PROSER1: variants seen among roughly 807,000 people sequenced by gnomAD.
PROSER1 encodes the protein proline and serine-rich protein 1.
In PROSER1, 36 loss-of-function variants were observed where a neutral mutation model predicts 71.8. The ratio of observed to expected loss-of-function variants is 0.50; its 90% confidence interval spans 0.38 to 0.66. The LOEUF (loss-of-function observed/expected upper bound fraction) is 0.66, where lower values mean the gene tolerates loss of function less well. Ranked by LOEUF, PROSER1 falls within the 30% of genes least tolerant of loss-of-function variation. PROSER1 has a pLI of 0.00. For missense variants in PROSER1, 1,107 were observed against 1,135.0 expected (o/e 0.98, Z 0.35); for synonymous variants, 490 against 452.4 (o/e 1.08, Z -1.06).
intron 9 of PROSER1, among the ~76,000 whole-genome samples, chr13:39,019,917 A>C (rs1005365026): frequency 2.0e-5 from 3 of 152,050 alleles, no homozygotes; most frequent in Admixed American, 2.0e-4. Context: ...AGGGGAAAAA[A>C]GTTTAAAATA....
rs758633499 is a variant in PROSER1, at chr13:39,011,331, T to C, written c.*34A>G. On this transcript the variant is annotated 3_prime_UTR_variant, in exon 13 of 13. Coordinates refer to ENST00000352251, the MANE Select transcript of PROSER1 (RefSeq NM_025138.5). Reference sequence around the variant, plus strand: ...CATTGCAGTTCTCAGGCAATTCTGATGTTGCTCTGAAGGAGAATAAAAGTT... The same window carrying C: ...CATTGCAGTTCTCAGGCAATTCTGACGTTGCTCTGAAGGAGAATAAAAGTT... 12 of 1,608,294 alleles carry C rather than the reference T, an allele frequency of 7.5e-6. No individual in the cohort carries two copies. Among genetic ancestry groups the C allele is most frequent in the South Asian group, 6.6e-5 (6 of 90,748 alleles).
chr13:39,021,861 G>A (rs1870307002), intron 9 of PROSER1, among the ~76,000 whole-genome samples: 1 of 152,050 alleles, frequency 6.6e-6, no homozygotes, highest in African/African-American at 2.4e-5. Flanking sequence ...TCATTCCAAC[G>A]CATCTCTTTG....
rs1186575859 is a variant in PROSER1 at position 39,037,194 on chromosome 13, T to C, written c.45+4A>G. 29 of 1,591,292 alleles carry C rather than the reference T, an allele frequency of 1.8e-5. No homozygotes were observed. Among genetic ancestry groups the C allele is most frequent in the Non-Finnish European group, 2.3e-5 (27 of 1,159,332 alleles). On this transcript the variant is annotated splice_donor_region_variant and intron_variant, in intron 1 of 12. Coordinates refer to ENST00000352251, the MANE Select transcript of PROSER1 (RefSeq NM_025138.5). ...AAAATAATTCATGGAATCGGTCTAA[T>C]TACCTTTCTAATTTCATCCAGCACC...
At chr13:39,025,080 A>C (rs1870482544) in intron 6 of PROSER1, among the ~76,000 whole-genome samples, 1 of 152,142 alleles carries the variant, frequency 6.6e-6, no homozygotes, top group African/African-American at 2.4e-5. Context: ...CTTCACAAAT[A>C]GGAGCAATCA....
rs775119956 is a variant in PROSER1, at chr13:39,013,761, C to T, written c.1491G>A (p.Leu497=). The T allele has an allele frequency of 1.2e-6, 2 of 1,614,130 alleles. No individual in the cohort carries two copies. Among genetic ancestry groups the T allele is most frequent in the South Asian group, 2.2e-5 (2 of 91,076 alleles). The change falls in exon 11 of 13, where the codon CTG becomes CTA. Residue 497 remains leucine, a synonymous_variant. Transcript: ENST00000352251. The stretch of plus-strand genomic sequence containing the variant: ...GAAGAGTAAGAGAAGATAGTGAAGC[C>T]AGCCCACTTGTGACAGCAGAGGATA... ...SALSSAVTSG[L]ASLSSLTLQN...
At position 39,026,271 on chromosome 13, in the gene PROSER1, G is replaced by T; in HGVS notation, c.480+6C>A. 1 of 1,565,308 alleles carries T rather than the reference G, an allele frequency of 6.4e-7. No individual in the cohort carries two copies. Among genetic ancestry groups the T allele is most frequent in the Non-Finnish European group, 8.8e-7 (1 of 1,136,920 alleles). ...GTTTCATATACAGCTACAGAAGTATGCTTACTGGGAAAATTCCATTTATGC... is the reference window on the plus strand; with the variant it reads ...GTTTCATATACAGCTACAGAAGTATTCTTACTGGGAAAATTCCATTTATGC... On this transcript the variant is annotated splice_donor_region_variant and intron_variant, in intron 6 of 12. Coordinates refer to ENST00000352251, the MANE Select transcript of PROSER1 (RefSeq NM_025138.5).
At position 39,010,003 on chromosome 13, in the gene PROSER1, T is replaced by A. The variant is rs948529878; in HGVS notation, c.*1362A>T. 4.6e-5 allele frequency: 7 copies of A among 152,596 alleles called. No homozygotes were observed. The highest frequency in any genetic ancestry group is 2.0e-4 in the Admixed American group (3 of 15,270). 9.5% of individuals were successfully genotyped at this position (152,596 alleles called of 1,614,324 possible). The stretch of plus-strand genomic sequence containing the variant: ...GTCTGTTCATATGTTGGTTATGACT[T>A]TTACATTAAAATATCATTTAAACGA... On this transcript the variant is annotated 3_prime_UTR_variant, in exon 13 of 13. Transcript: ENST00000352251.
chr13:39,015,791 G>A (rs1050160861), intron 10 of PROSER1, among the ~76,000 whole-genome samples: 2 of 152,114 alleles, frequency 1.3e-5, no homozygotes, highest in African/African-American at 4.8e-5. Flanking sequence ...TGTAAGCAGT[G>A]ATTTGGTTTC....
In PROSER1 at chr13:39,012,182, C is replaced by A; in HGVS notation, c.2613G>T (p.Leu871Phe). 1.2e-6 allele frequency: 2 copies of A among 1,614,058 alleles called. No individual in the cohort carries two copies. Among genetic ancestry groups the A allele is most frequent in the African/African-American group, 2.7e-5 (2 of 75,058 alleles). ...AAGSSVFPGL[L>F]SLPGIPGFPQ... ...GAAACCCAGGGATACCCGGGAGGGACAAAAGGCCTGGAAAAACAGAACTGC... is the reference window on the plus strand; with the variant it reads ...GAAACCCAGGGATACCCGGGAGGGAAAAAAGGCCTGGAAAAACAGAACTGC... Residue 871 changes from leucine (L) to phenylalanine (F), a missense_variant, in exon 12 of 13, where the codon TTG becomes TTT. By Grantham distance (22) the Leu-to-Phe change is conservative. Transcript: ENST00000352251.
Position 39,024,466 on chromosome 13 carries a change from A to C in PROSER1, c.564+7T>G. ...TTTGGGCTTGTTTCATCATTTTCTA[A>C]ACATACTGGTTTGGATGGCCCAAGA... On this transcript the variant is annotated splice_region_variant and intron_variant, in intron 7 of 12. Transcript: ENST00000352251. 1 of 1,599,168 alleles carries C rather than the reference A, an allele frequency of 6.3e-7. No individual in the cohort carries two copies.
intron 7 of PROSER1, 146 bp from the exon 8 acceptor site, chr13:39,023,276 G>A: frequency 1.7e-6 from 1 of 575,972 alleles, no homozygotes; most frequent in African/African-American, 1.9e-5. Flanking sequence ...ACAAATGAGG[G>A]AAATTTCTTT....
chr13:39,023,398 T>C (rs1870394434), intron 7 of PROSER1: 1 of 298,138 alleles, frequency 3.4e-6, no homozygotes, highest in Non-Finnish European at 6.3e-6. Flanking sequence ...TAGATCTCAT[T>C]GTAAACAGCA....
intron 5 of PROSER1, among the ~76,000 whole-genome samples, chr13:39,027,923 A>T (rs1471301690): frequency 6.6e-6 from 1 of 152,158 alleles, no homozygotes; most frequent in Non-Finnish European, 1.5e-5. Flanking sequence ...CTAAGTACAT[A>T]AAGTTTAAAG....
In PROSER1 at chr13:39,037,606, G is replaced by A. The variant is rs572357571; in HGVS notation, c.-364C>T. 1.9e-4 allele frequency: 36 copies of A among 190,144 alleles called. No individual in the cohort carries two copies. The highest frequency in any genetic ancestry group is 8.0e-4 in the African/African-American group (34 of 42,704). 11.8% of individuals were successfully genotyped at this position (190,144 alleles called of 1,614,324 possible). A position where few individuals can be genotyped will look rare whatever the true frequency, so the allele number is the denominator to read the frequency against. ...TCCCTGCAGCTGAGGGCCAGGTGCC[G>A]CCAGAGGTAGCTCTTGAAGGCGCTT... On this transcript the variant is annotated 5_prime_UTR_variant, in exon 1 of 13. Transcript: ENST00000352251.
At chr13:39,011,825 A>G (rs559677843) in intron 12 of PROSER1, among the ~76,000 whole-genome samples, 1 of 152,348 alleles carries the variant, frequency 6.6e-6, no homozygotes, top group East Asian at 1.9e-4. Context: ...CTTAAATTTT[A>G]TCAAGTGAAA....
intron 5 of PROSER1, among the ~76,000 whole-genome samples, chr13:39,027,358 G>T (rs1040705432): frequency 6.6e-6 from 1 of 152,030 alleles, no homozygotes; most frequent in East Asian, 1.9e-4. Flanking sequence ...ATATTGTAAA[G>T]GCTCTTCAAG....
chr13:39,028,136 C>A, intron 5 of PROSER1, 91 bp downstream of exon 5: 1 of 679,396 alleles, frequency 1.5e-6, no homozygotes, highest in Admixed American at 2.3e-5. Context: ...TCAAGTTATT[C>A]ACCAAAGTTA....
chr13:39,013,192 G>A lies in PROSER1; in HGVS notation c.2060C>T (p.Ser687Phe), dbSNP rs759717254. ...SSISLPPHGS[S>F]TPIAPVFTAL... ...AGTGAATACTGGTGCAATGGGAGTG[G>A]AGGAACCATGTGGTGGAAGGGAAAT... The change falls in exon 11 of 13, where the codon TCC (serine) becomes TTC (phenylalanine). Residue 687 changes from serine (S) to phenylalanine (F), a missense_variant. By Grantham distance (155) the Ser-to-Phe change is radical. Transcript: ENST00000352251. 6.2e-7 allele frequency: 1 copy of A among 1,614,126 alleles called. No individual in the cohort carries two copies. The highest frequency in any genetic ancestry group is 1.1e-5 in the South Asian group (1 of 91,080).
At chr13:39,021,040 T>G (rs1593532523) in intron 9 of PROSER1, among the ~76,000 whole-genome samples, 1 of 152,184 alleles carries the variant, frequency 6.6e-6, no homozygotes, top group Non-Finnish European at 1.5e-5. Flanking sequence ...TTTACATATG[T>G]GACCCAAGGC....
Sources: gnomAD v4.1 joint callset for allele counts (sites outside exome capture counted in the v4.1 genomes callset) on GRCh38, gnomAD v4.1.1 for gene constraint, MANE v1.5 for transcripts, NCBI Gene and HGNC (gene_info 2026-07-23, HGNC 2026-07-21) for gene names.